YPEL2: variants seen among roughly 807,000 people sequenced by gnomAD.
YPEL2 encodes the protein yippee like 2, also known as protein yippee-like 2.
YPEL2 carries 2 observed loss-of-function variants against 19.1 expected under a neutral mutation model. The observed-to-expected ratio is 0.10, with a 90% CI of 0.04 to 0.33. The LOEUF (loss-of-function observed/expected upper bound fraction) is 0.33, where lower values mean the gene tolerates loss of function less well. Ranked by LOEUF, YPEL2 falls within the 10% of genes least tolerant of loss-of-function variation. YPEL2 has a pLI of 1.00. For synonymous variants in YPEL2, 52 were observed against 50.0 expected, an observed-to-expected ratio of 1.04 and a Z score of -0.17; for missense variants, 66 against 140.7, an observed-to-expected ratio of 0.47 and a Z score of 2.68.
chr17:59,399,611 T>C lies in YPEL2; in HGVS notation c.*2421T>C, dbSNP rs769476540. 2 of 152,200 alleles carry C rather than the reference T, an allele frequency of 1.3e-5. No homozygotes were observed. Among genetic ancestry groups the C allele is most frequent in the Non-Finnish European group, 2.9e-5 (2 of 67,998 alleles). The allele number at this position is 152,200 out of a possible 1,614,324, so 9.4% of individuals were successfully genotyped here. On this transcript the variant is annotated 3_prime_UTR_variant, in exon 5 of 5. Coordinates refer to ENST00000312655, the MANE Select transcript of YPEL2 (RefSeq NM_001005404.4). The stretch of plus-strand genomic sequence containing the variant: ...TGCTGTGAGAGAGCTGAGTAGAGTG[T>C]TGGTTTTTCCATAACTACAGGGGGA...
chr17:59,384,407 A>G (rs926847864), intron 2 of YPEL2, among the ~76,000 whole-genome samples: 2 of 152,218 alleles, frequency 1.3e-5, no homozygotes, highest in African/African-American at 4.8e-5. Flanking sequence ...TCTCATATGC[A>G]AAACATTGCA....
rs1444483732 is a variant in YPEL2, at chr17:59,401,427, C to A, written c.*4237C>A. On this transcript the variant is annotated 3_prime_UTR_variant, in exon 5 of 5. Transcript: ENST00000312655. ...GCGCATATGTTTTTGTATAACATTT[C>A]GGTGACAGTGGGAGTCGGTTCCCTT... is the stretch of plus-strand genomic sequence containing the variant. 6.6e-6 allele frequency: 1 copy of A among 152,636 alleles called. No homozygotes were observed. The highest frequency in any genetic ancestry group is 2.4e-5 in the African/African-American group (1 of 41,454). 9.5% of individuals were successfully genotyped at this position (152,636 alleles called of 1,614,324 possible).
At chr17:59,366,794 C>T (rs1364613618) in intron 2 of YPEL2, among the ~76,000 whole-genome samples, 2 of 152,194 alleles carry the variant, frequency 1.3e-5, no homozygotes, top group Non-Finnish European at 2.9e-5. Context: ...AGAGAGGAAG[C>T]CAGTGAAACT....
At chr17:59,369,122 C>T (rs1376663108) in intron 2 of YPEL2, among the ~76,000 whole-genome samples, 2 of 152,086 alleles carry the variant, frequency 1.3e-5, no homozygotes, top group East Asian at 1.9e-4. Flanking sequence ...GAGTAAGGCT[C>T]CCCAAATCAT....
chr17:59,384,622 A>G lies in YPEL2; in HGVS notation c.118-3705A>G, dbSNP rs554533965. On this transcript the variant is annotated intron_variant, in intron 2 of 4. Transcript: ENST00000312655. Reference sequence around the variant, plus strand: ...CCAGGGAAGGTCCTAGTGGCAATCCATGTATTGTAACTGTTTAGCAAAACT... The same window carrying G: ...CCAGGGAAGGTCCTAGTGGCAATCCGTGTATTGTAACTGTTTAGCAAAACT... Among the ~76,000 whole-genome samples the G allele has an allele frequency of 5.9e-5, 9 of 152,322 alleles. No individual in the cohort carries two copies. The South Asian group carries it at 1.7e-3, about 28-fold the overall frequency.
At chr17:59,396,229 T>C (rs1467073985) in intron 4 of YPEL2, among the ~76,000 whole-genome samples, 1 of 152,228 alleles carries the variant, frequency 6.6e-6, no homozygotes, top group Non-Finnish European at 1.5e-5. Context: ...TTTATATATG[T>C]AAATGTACTA....
chr17:59,382,692 A>G (rs1481923983), intron 2 of YPEL2, among the ~76,000 whole-genome samples: 3 of 152,356 alleles, frequency 2.0e-5, no homozygotes, highest in African/African-American at 7.2e-5. Flanking sequence ...GCAATTGGAT[A>G]TACTCCTTTA....
rs369695433 is a variant in YPEL2, at chr17:59,353,654, G to A, written c.117+128G>A. The A allele has an allele frequency of 2.7e-5, 21 of 763,966 alleles. No homozygotes were observed. Among genetic ancestry groups the A allele is most frequent in the Admixed American group, 3.7e-5 (2 of 54,526 alleles). The allele number at this position is 763,966 out of a possible 1,614,324, so 47.3% of individuals were successfully genotyped here. A position where few individuals can be genotyped will look rare whatever the true frequency, so the allele number is the denominator to read the frequency against. On this transcript the variant is annotated intron_variant, in intron 2 of 4. Transcript: ENST00000312655. This position sits in a 1 kb window ranked among gnomAD's most constrained non-coding sequence, Gnocchi z 4.8. ...CTTTGTACAGGGAGGGCTGACCCAC[G>A]TGACCGTCTCACTCAACTGAGAAAA...
At chr17:59,334,372 C>A (rs2047687721) in intron 1 of YPEL2, among the ~76,000 whole-genome samples, 1 of 135,392 alleles carries the variant, frequency 7.4e-6, no homozygotes, top group Non-Finnish European at 1.6e-5. Context: ...GGAAGGCAGG[C>A]AGGTGACTCT....
intron 1 of YPEL2, among the ~76,000 whole-genome samples, chr17:59,343,002 G>A (rs1217270682): frequency 1.3e-5 from 2 of 152,178 alleles, no homozygotes; most frequent in South Asian, 2.1e-4. Flanking sequence ...AGCAGGAAAC[G>A]TTTCTGCTGT....
Position 59,353,927 on chromosome 17 carries a change from A to C in YPEL2, c.117+401A>C. 1 of 296,572 alleles carries C rather than the reference A, an allele frequency of 3.4e-6. No homozygotes were observed. The highest frequency in any genetic ancestry group is 6.5e-6 in the Non-Finnish European group (1 of 152,850). The allele number at this position is 296,572 out of a possible 1,614,324, so 18.4% of individuals were successfully genotyped here. The stretch of plus-strand genomic sequence containing the variant: ...CTTGTAAGAGGGGTTCCTTAGCAAG[A>C]TGAGAGAGCCACCAGGAAGTTGTGA... On this transcript the variant is annotated intron_variant, in intron 2 of 4. Transcript: ENST00000312655. The surrounding 1 kb of genome is among the most constrained non-coding windows in gnomAD (Gnocchi z 4.8).
rs561695666 is a variant in YPEL2 at position 59,384,763 on chromosome 17, G to A, written c.118-3564G>A. Among the ~76,000 whole-genome samples, 13 of 152,352 alleles carry A rather than the reference G, an allele frequency of 8.5e-5. 1 individual carries two copies. In the South Asian group the frequency reaches 2.5e-3, roughly 29 times the overall value. On this transcript the variant is annotated intron_variant, in intron 2 of 4. Coordinates refer to ENST00000312655, the MANE Select transcript of YPEL2 (RefSeq NM_001005404.4). ...TGCTGGGATACCACTGCCCTGGTAA[G>A]TCTCACAATGTTGCCTGTCTCCCTG...
At chr17:59,396,843 C>T (rs2048041832) in intron 4 of YPEL2, among the ~76,000 whole-genome samples, 1 of 152,232 alleles carries the variant, frequency 6.6e-6, no homozygotes, top group South Asian at 2.1e-4. Flanking sequence ...CCAGCCTGTC[C>T]AACATGGTGA....
intron 2 of YPEL2, among the ~76,000 whole-genome samples, chr17:59,379,930 G>A (rs112422131): frequency 1.1e-3 from 165 of 144,822 alleles, no homozygotes; most frequent in African/African-American, 4.1e-3. Flanking sequence ...GTGTGACCTC[G>A]GCTTACTGTA....
intron 4 of YPEL2, 89 bp downstream of exon 4, chr17:59,389,557 T>C (rs2047997560): frequency 2.0e-6 from 2 of 989,456 alleles, no homozygotes; most frequent in Admixed American, 4.0e-5. Flanking sequence ...TCGCTTTCCA[T>C]GGCCTTGTGG....
intron 2 of YPEL2, among the ~76,000 whole-genome samples, chr17:59,367,584 A>T (rs1477769052): frequency 2.0e-5 from 3 of 152,214 alleles, no homozygotes; most frequent in Non-Finnish European, 4.4e-5. Flanking sequence ...ACTTAACCCT[A>T]GGTAAGATGA....
intron 1 of YPEL2, among the ~76,000 whole-genome samples, chr17:59,336,421 G>A (rs947629381): frequency 2.0e-5 from 3 of 152,156 alleles, no homozygotes; most frequent in African/African-American, 7.2e-5. Flanking sequence ...ATTTCTATCA[G>A]TAATCACATT....
At chr17:59,334,152 T>C (rs1420800351) in intron 1 of YPEL2, among the ~76,000 whole-genome samples, 2 of 152,176 alleles carry the variant, frequency 1.3e-5, no homozygotes, top group African/African-American at 4.8e-5. Flanking sequence ...TGTTTCTAGG[T>C]GTGTGGGGGT....
intron 2 of YPEL2, among the ~76,000 whole-genome samples, chr17:59,375,788 T>C (rs1272745367): frequency 6.6e-6 from 1 of 152,208 alleles, no homozygotes; most frequent in Non-Finnish European, 1.5e-5. Flanking sequence ...GCTAAGTCAA[T>C]ATGGAATCAG....
Sources: gnomAD v4.1 joint callset for allele counts (sites outside exome capture counted in the v4.1 genomes callset) on GRCh38, gnomAD v4.1.1 for gene constraint, Gnocchi (gnomAD v3.1) non-coding constraint, MANE v1.5 for transcripts, NCBI Gene and HGNC (gene_info 2026-07-23, HGNC 2026-07-21) for gene names.